ADAM9: variants seen among roughly 807,000 people sequenced by gnomAD.
ADAM9 encodes the protein ADAM metallopeptidase domain 9.
Under a neutral mutation model 108.1 loss-of-function variants are expected in ADAM9, and 54 were observed. The observed-to-expected ratio is 0.50, with a 90% CI of 0.40 to 0.63. The LOEUF (loss-of-function observed/expected upper bound fraction) is 0.63, where lower values mean the gene tolerates loss of function less well. Ranked by LOEUF, ADAM9 falls within the 20% of genes least tolerant of loss-of-function variation. ADAM9 has a pLI of 0.00. For missense variants in ADAM9, 830 were observed against 997.7 expected (o/e 0.83, Z 2.26); for synonymous variants, 316 against 336.0 (o/e 0.94, Z 0.65).
At chr8:39,045,990 T>G (rs1837759655) in intron 12 of ADAM9, among the ~76,000 whole-genome samples, 1 of 152,112 alleles carries the variant, frequency 6.6e-6, no homozygotes, top group Admixed American at 6.5e-5. Flanking sequence ...CATTTTTTCC[T>G]GTGTTTGGCA....
intron 11 of ADAM9, among the ~76,000 whole-genome samples, chr8:39,038,958 T>C (rs550936018): frequency 9.0e-5 from 13 of 145,242 alleles, no homozygotes; most frequent in Admixed American, 4.6e-4. Context: ...GATACTTTTT[T>C]TGTTTTTTTT....
chr8:39,080,639 G>T lies in ADAM9; in HGVS notation c.1882-2002G>T, dbSNP rs558934663. Among the ~76,000 whole-genome samples the T allele has an allele frequency of 4.6e-5, 7 of 152,344 alleles. No individual in the cohort carries two copies. The East Asian group carries it at 1.3e-3, about 29-fold the overall frequency. ...TATGTACCAAAGCCTAGACTGGACA[G>T]TTTGAGCAGACTGACAACTTGGTAC... On this transcript the variant is annotated intron_variant, in intron 16 of 21. Transcript: ENST00000487273.
chr8:39,008,426 G>A (rs762034526), intron 2 of ADAM9, among the ~76,000 whole-genome samples: 3 of 152,082 alleles, frequency 2.0e-5, no homozygotes, highest in Admixed American at 1.3e-4. Context: ...CGCCTGCCTC[G>A]GCCTTGCAAA....
intron 11 of ADAM9, among the ~76,000 whole-genome samples, chr8:39,031,749 C>T (rs962966822): frequency 2.6e-5 from 4 of 152,202 alleles, no homozygotes; most frequent in African/African-American, 9.6e-5. Flanking sequence ...TTAGAATTTT[C>T]AGCTTTTCTG....
In ADAM9 at chr8:39,071,298, A is replaced by T. The variant is rs1370976558; in HGVS notation, c.1592A>T (p.Lys531Ile). Residue 531 changes from lysine (K) to isoleucine (I), a missense_variant and splice_region_variant, in exon 15 of 22, where the codon AAA (lysine) becomes ATA (isoleucine). This residue lies in a region of ADAM9 where 381 missense variants were observed against 539.8 expected (regional missense o/e 0.71). Transcript: ENST00000487273. ...DAQCQVIFGS[K>I]AKAAPKDCFI... ...TTTTTTTAAATGTTTAATGTTACAG[A>T]AGCCAAGGCTGCCCCCAAAGATTGT... The T allele has an allele frequency of 6.2e-7, 1 of 1,613,788 alleles. No individual in the cohort carries two copies. Among genetic ancestry groups the T allele is most frequent in the Non-Finnish European group, 8.5e-7 (1 of 1,179,930 alleles).
Position 39,023,227 on chromosome 8 carries a change from C to CA in ADAM9, c.817dup (p.Ile273AsnfsTer7). ...TTTGGACCAATGGAAACCTGATCAA[C>CA]ATAGTTGGGGGTGCTGGTGATGTGC... On this transcript the variant is annotated frameshift_variant, in exon 9 of 22. Transcript: ENST00000487273. LOFTEE classifies it high-confidence loss of function. 1 of 1,613,732 alleles carries CA rather than the reference C, an allele frequency of 6.2e-7. No individual in the cohort carries two copies. Among genetic ancestry groups the CA allele is most frequent in the Non-Finnish European group, 8.5e-7 (1 of 1,179,904 alleles).
chr8:39,039,963 A>G (rs149040705), intron 11 of ADAM9, among the ~76,000 whole-genome samples: 4 of 152,302 alleles, frequency 2.6e-5, no homozygotes, highest in African/African-American at 9.6e-5. Context: ...TGTTTTCCAC[A>G]GTGGCTGCAC....
At chr8:39,062,845 G>T (rs1472823431) in intron 14 of ADAM9, among the ~76,000 whole-genome samples, 1 of 152,092 alleles carries the variant, frequency 6.6e-6, no homozygotes, top group African/African-American at 2.4e-5. Flanking sequence ...TCCAGGGTGG[G>T]TAAATACATC....
chr8:39,000,412 A>C (rs920024528), intron 1 of ADAM9, among the ~76,000 whole-genome samples: 3 of 152,044 alleles, frequency 2.0e-5, no homozygotes, highest in Non-Finnish European at 4.4e-5. Context: ...TATTTTAATC[A>C]GATTATTTTC....
chr8:39,026,959 C>CTTTT, intron 11 of ADAM9, 149 bp downstream of exon 11: 1 of 724,376 alleles, frequency 1.4e-6, no homozygotes, highest in South Asian at 1.9e-5. Context: ...AATGAGAAGT[C>CTTTT]TTTTTTTTTT....
chr8:39,030,380 C>T (rs867575577), intron 11 of ADAM9, among the ~76,000 whole-genome samples: 23 of 152,160 alleles, frequency 1.5e-4, no homozygotes, highest in African/African-American at 3.1e-4. Flanking sequence ...TGGCTTCTTT[C>T]ACTTAGCAAT....
chr8:39,012,954 A>T (rs931435427), intron 3 of ADAM9, among the ~76,000 whole-genome samples: 3 of 152,134 alleles, frequency 2.0e-5, no homozygotes, highest in Non-Finnish European at 4.4e-5. Context: ...ATAATAATAA[A>T]AAAATATATA....
At chr8:39,081,732 G>A (rs1435444482) in intron 16 of ADAM9, among the ~76,000 whole-genome samples, 2 of 152,110 alleles carry the variant, frequency 1.3e-5, no homozygotes, top group South Asian at 2.1e-4. Context: ...TAAGGCTATC[G>A]ATATTTCGTT....
chr8:39,099,875 G>GTT (rs111740274), intron 20 of ADAM9, among the ~76,000 whole-genome samples: 31 of 89,494 alleles, frequency 3.5e-4, no homozygotes, highest in African/African-American at 1.1e-3. Flanking sequence ...TATCGTGTTT[G>GTT]TTTTTTTTTT....
chr8:39,078,115 G>A (rs1838905249), intron 16 of ADAM9, among the ~76,000 whole-genome samples: 1 of 152,026 alleles, frequency 6.6e-6, no homozygotes, highest in African/African-American at 2.4e-5. Flanking sequence ...AAAGACAGGT[G>A]GGTGGGCCTT....
intron 11 of ADAM9, among the ~76,000 whole-genome samples, chr8:39,032,944 G>GT (rs1837145400): frequency 3.3e-5 from 5 of 152,114 alleles, no homozygotes; most frequent in Admixed American, 3.3e-4. Context: ...TTTAAAATCA[G>GT]TTTTATCTAT....
chr8:39,037,802 T>G (rs1837334315), intron 11 of ADAM9, among the ~76,000 whole-genome samples: 1 of 152,228 alleles, frequency 6.6e-6, no homozygotes, highest in African/African-American at 2.4e-5. Context: ...ATTACAAGCC[T>G]CTGTTTAAAC....
At chr8:39,025,344 A>G (rs1836884615) in intron 9 of ADAM9, among the ~76,000 whole-genome samples, 1 of 152,010 alleles carries the variant, frequency 6.6e-6, no homozygotes, top group South Asian at 2.1e-4. Flanking sequence ...TGATCTGCCC[A>G]CCTCGGCCTC....
At chr8:38,998,755 A>C (rs1835904757) in intron 1 of ADAM9, among the ~76,000 whole-genome samples, 1 of 152,082 alleles carries the variant, frequency 6.6e-6, no homozygotes, top group South Asian at 2.1e-4. Flanking sequence ...TTTTTGCAAG[A>C]GTATGGTGGG....
Sources: gnomAD v4.1 joint callset for allele counts (sites outside exome capture counted in the v4.1 genomes callset) on GRCh38, gnomAD v4.1.1 for gene constraint, gnomAD v4.1.1 regional missense constraint, MANE v1.5 for transcripts, NCBI Gene and HGNC (gene_info 2026-07-23, HGNC 2026-07-21) for gene names.